The following DAAM2 variants were observed in gnomAD, a reference collection of about 807,000 sequenced individuals.
The protein encoded by DAAM2 is dishevelled associated activator of morphogenesis 2.
A neutral mutation model predicts 120.7 loss-of-function variants in DAAM2; 39 were observed. That is an observed-to-expected ratio of 0.32 (90% confidence interval 0.25 to 0.42). DAAM2 has a LOEUF of 0.42. DAAM2 is among the 10% of genes least tolerant of loss of function. DAAM2 has a pLI of 1.00. For synonymous variants in DAAM2, 488 were observed against 524.9 expected, an observed-to-expected ratio of 0.93 and a Z score of 0.96; for missense variants, 1,283 against 1,401.7, an observed-to-expected ratio of 0.92 and a Z score of 1.35.
chr6:39,812,646 G>GTGGAGTCACCAGGTAGCTTT (rs145632485), intron 1 of DAAM2, among the ~76,000 whole-genome samples: 41,199 of 151,438 alleles, frequency 0.27, 6,729 homozygotes, highest in South Asian at 0.37. Context: ...ACCTCTGACT[G>GTGGAGTCACCAGGTAGCTTT]TGGAGTCAGC....
chr6:39,805,428 A>G (rs925848739), intron 1 of DAAM2, among the ~76,000 whole-genome samples: 3 of 152,166 alleles, frequency 2.0e-5, no homozygotes, highest in African/African-American at 7.2e-5. Context: ...ATTATTTGCC[A>G]CATAGTTTTC....
intron 1 of DAAM2, among the ~76,000 whole-genome samples, chr6:39,811,574 T>C (rs1762163268): frequency 6.6e-6 from 1 of 152,196 alleles, no homozygotes; most frequent in Non-Finnish European, 1.5e-5. Context: ...CCCCATGGAA[T>C]GTGGATTCCT....
At chr6:39,800,470 T>A (rs891753817) in intron 1 of DAAM2, among the ~76,000 whole-genome samples, 3 of 152,146 alleles carry the variant, frequency 2.0e-5, no homozygotes, top group Admixed American at 6.5e-5. Context: ...ATGGAGCAAA[T>A]CGGGCAGCAT....
At chr6:39,898,548 T>C (rs1370769980) in intron 21 of DAAM2, among the ~76,000 whole-genome samples, 1 of 152,190 alleles carries the variant, frequency 6.6e-6, no homozygotes, top group Non-Finnish European at 1.5e-5. Flanking sequence ...ATAAAGAGCT[T>C]ATAAGCATTA....
intron 19 of DAAM2, among the ~76,000 whole-genome samples, chr6:39,893,670 A>G (rs1469690064): frequency 6.6e-6 from 1 of 152,228 alleles, no homozygotes; most frequent in Admixed American, 6.5e-5. Flanking sequence ...ATTGCTCTGT[A>G]TAGCAATGGC....
At chr6:39,860,134 T>C (rs1337810997) in intron 2 of DAAM2, among the ~76,000 whole-genome samples, 1 of 152,216 alleles carries the variant, frequency 6.6e-6, no homozygotes, top group Non-Finnish European at 1.5e-5. Flanking sequence ...AGGGGCCGTC[T>C]AGCACAGCAA....
In DAAM2 at chr6:39,865,004, G is replaced by A. The variant is rs1162578827; in HGVS notation, c.358G>A (p.Glu120Lys). Reference sequence around the variant, plus strand: ...GATGCAGAGTCTGTACGCGTTTGATGAGGAGGAGACGGAGATGAGGAACCA... The same window carrying A: ...GATGCAGAGTCTGTACGCGTTTGATAAGGAGGAGACGGAGATGAGGAACCA... ...AAMQSLYAFD[E>K]EETEMRNQVV... The change falls in exon 5 of 25, where the codon GAG becomes AAG. Residue 120 changes from glutamate to lysine, a missense_variant. Glu to Lys is a moderately conservative substitution (Grantham distance 56). This residue lies in a region of DAAM2 where 197 missense variants were observed against 189.3 expected (regional missense o/e 1.04). Transcript: ENST00000274867. 6.2e-7 allele frequency: 1 copy of A among 1,607,018 alleles called. No homozygotes were observed. The highest frequency in any genetic ancestry group is 8.5e-7 in the Non-Finnish European group (1 of 1,177,074).
At chr6:39,899,979 C>G in intron 22 of DAAM2, 98 bp from the exon 23 acceptor site, 1 of 1,366,358 alleles carries the variant, frequency 7.3e-7, no homozygotes, top group Non-Finnish European at 9.9e-7. Flanking sequence ...TTCCAAAGGG[C>G]TCAATGTCCT....
chr6:39,842,029 C>CA (rs1206881852), intron 1 of DAAM2, among the ~76,000 whole-genome samples: 1 of 152,210 alleles, frequency 6.6e-6, no homozygotes, highest in Admixed American at 6.5e-5. Flanking sequence ...TTTAACCATG[C>CA]AGGTTTATAA....
At chr6:39,888,529 A>C (rs1765507867) in intron 16 of DAAM2, 150 bp from the exon 17 acceptor site, 1 of 586,926 alleles carries the variant, frequency 1.7e-6, no homozygotes, top group Non-Finnish European at 3.0e-6. Flanking sequence ...ATACTAGTCT[A>C]ATCTAAGAAG....
intron 19 of DAAM2, among the ~76,000 whole-genome samples, chr6:39,896,256 G>C (rs1005835578): frequency 6.6e-6 from 1 of 151,724 alleles, no homozygotes; most frequent in Non-Finnish European, 1.5e-5. Flanking sequence ...AGGCTGGAGT[G>C]CAGTGAGGCA....
chr6:39,864,956 C>A, intron 4 of DAAM2, 24 bp from the exon 5 acceptor site: 2 of 1,583,368 alleles, frequency 1.3e-6, no homozygotes, highest in Non-Finnish European at 1.7e-6. Context: ...GACAGGCAGC[C>A]CCTTTCTACC....
intron 1 of DAAM2, among the ~76,000 whole-genome samples, chr6:39,817,622 G>T (rs956567620): frequency 1.3e-5 from 2 of 152,158 alleles, no homozygotes; most frequent in Non-Finnish European, 2.9e-5. Context: ...ATCTGGATTT[G>T]TTTTAAGGAA....
chr6:39,841,247 C>T (rs1230892030), intron 1 of DAAM2, among the ~76,000 whole-genome samples: 2 of 70,092 alleles, frequency 2.9e-5, no homozygotes, highest in Non-Finnish European at 4.9e-5. Context: ...GGGGGAGGGG[C>T]GCTGGGAAGA....
Position 39,856,477 on chromosome 6 carries a change from G to A in DAAM2, c.168+7G>A. ...CCGCTTTGCAGAGCTGGTGGTCAGTGAGAGGGTGGGGAGAGACAGTGACAA... is the reference window on the plus strand; with the variant it reads ...CCGCTTTGCAGAGCTGGTGGTCAGTAAGAGGGTGGGGAGAGACAGTGACAA... On this transcript the variant is annotated splice_region_variant and intron_variant, in intron 2 of 24. Coordinates refer to ENST00000274867, the MANE Select transcript of DAAM2 (RefSeq NM_001201427.2). 1 of 1,444,478 alleles carries A rather than the reference G, an allele frequency of 6.9e-7. No homozygotes were observed. The highest frequency in any genetic ancestry group is 9.2e-7 in the Non-Finnish European group (1 of 1,092,738). 89.5% of individuals were successfully genotyped at this position (1,444,478 alleles called of 1,614,324 possible).
chr6:39,810,654 C>T (rs1762135355), intron 1 of DAAM2, among the ~76,000 whole-genome samples: 1 of 152,050 alleles, frequency 6.6e-6, no homozygotes, highest in Non-Finnish European at 1.5e-5. Flanking sequence ...TTTTTTGCCC[C>T]TTATGGGGAC....
At chr6:39,807,532 T>C (rs141305154) in intron 1 of DAAM2, among the ~76,000 whole-genome samples, 2 of 152,252 alleles carry the variant, frequency 1.3e-5, no homozygotes, top group East Asian at 3.9e-4. Context: ...TTATTTTATT[T>C]TTGAGACAGA....
In DAAM2 at chr6:39,902,092, C is replaced by A; in HGVS notation, c.*55C>A. Reference sequence around the variant, plus strand: ...GAGACAGGGACTGGTGAGAATGGGGCTGAGTGGAGGAGGTGGTGATATTTA... The same window carrying A: ...GAGACAGGGACTGGTGAGAATGGGGATGAGTGGAGGAGGTGGTGATATTTA... On this transcript the variant is annotated 3_prime_UTR_variant, in exon 25 of 25. Transcript: ENST00000274867. 2 of 1,450,230 alleles carry A rather than the reference C, an allele frequency of 1.4e-6. No individual in the cohort carries two copies. Among genetic ancestry groups the A allele is most frequent in the Non-Finnish European group, 1.9e-6 (2 of 1,056,450 alleles). The allele number at this position is 1,450,230 out of a possible 1,614,324, so 89.8% of individuals were successfully genotyped here. A position where few individuals can be genotyped will look rare whatever the true frequency, so the allele number is the denominator to read the frequency against.
chr6:39,859,037 A>G (rs1310106936), intron 2 of DAAM2, among the ~76,000 whole-genome samples: 1 of 152,184 alleles, frequency 6.6e-6, no homozygotes, highest in Non-Finnish European at 1.5e-5. Context: ...ACCACCATTG[A>G]TTTAGGGGTA....
Sources: allele counts gnomAD v4.1 joint callset (sites outside exome capture counted in the v4.1 genomes callset), GRCh38; gene constraint gnomAD v4.1.1; regional missense constraint gnomAD v4.1.1; transcripts MANE v1.5; gene names NCBI Gene and HGNC (gene_info 2026-07-23, HGNC 2026-07-21).